Variants in PDXDC1 observed in about 807,000 individuals in gnomAD.
PDXDC1 encodes pyridoxal dependent decarboxylase domain containing 1.
A neutral mutation model predicts 100.1 loss-of-function variants in PDXDC1; 42 were observed. That is an observed-to-expected ratio of 0.42 (90% confidence interval 0.33 to 0.54). The LOEUF is 0.54. Among genes scored for constraint, PDXDC1 ranks in the 20% least tolerant of loss-of-function variants. The pLI, the probability that PDXDC1 is intolerant of heterozygous loss-of-function variation, is 0.10. For missense variants in PDXDC1, 636 were observed against 979.2 expected (o/e 0.65, Z 4.68); for synonymous variants, 260 against 371.7 (o/e 0.70, Z 3.46).
rs1369644140 is a variant in PDXDC1, at chr16:15,092,740, T to G, written c.1400-46139T>G. The G allele has an allele frequency of 6.1e-6, 4 of 657,140 alleles. No homozygotes were observed. The Admixed American group carries it at 1.1e-4, about 18-fold the overall frequency. 40.7% of individuals were successfully genotyped at this position (657,140 alleles called of 1,614,324 possible). A position where few individuals can be genotyped will look rare whatever the true frequency, so the allele number is the denominator to read the frequency against. On this transcript the variant is annotated intron_variant, in intron 16 of 16. Transcript: ENST00000535621. ...AAGGCCTCTTTACTGGTCTCCCTGC[T>G]TCCACTCTTAACCAACAATCCTTCC...
the PDXDC1 span, among the ~76,000 whole-genome samples, chr16:15,145,774 C>T: frequency 8.3e-3 from 1,259 of 152,382 alleles, 21 homozygotes; most frequent in African/African-American, 0.028. Flanking sequence ...GTGACGCCCC[C>T]GCCGCTGTGC....
chr16:15,076,721 A>G (rs1383590899), intron 16 of PDXDC1: 12 of 1,070,350 alleles, frequency 1.1e-5, no homozygotes, highest in Non-Finnish European at 1.7e-5. Context: ...TGGGATGGAA[A>G]TTCATCTGAT....
chr16:15,033,515 T>C, intron 19 of PDXDC1, 116 bp downstream of exon 19: 2 of 1,224,272 alleles, frequency 1.6e-6, no homozygotes, highest in East Asian at 2.4e-5. Flanking sequence ...TCAAAGTCTG[T>C]CAATGTTTCC....
At chr16:15,016,075 TAA>T in intron 8 of PDXDC1, 52 bp from the exon 9 acceptor site, 2 of 1,613,668 alleles carry the variant, frequency 1.2e-6, no homozygotes, top group Admixed American at 3.3e-5. Context: ...GTTTAAGGTA[TAA>T]AGCCTTAGAA....
At chr16:14,975,568 T>C (rs1336695459) in intron 1 of PDXDC1, 1 of 985,482 alleles carries the variant, frequency 1.0e-6, no homozygotes, top group South Asian at 4.7e-5. Flanking sequence ...CCGGGAGCTC[T>C]CCGTTGGCGG....
chr16:15,040,090 C>A (rs1485911568), downstream of PDXDC1: 1 of 1,339,634 alleles, frequency 7.5e-7, no homozygotes. Flanking sequence ...CAGGATGACT[C>A]TGAATTGACA....
intron 16 of PDXDC1, chr16:15,130,468 G>C (rs1340821223): frequency 1.4e-6 from 2 of 1,413,728 alleles, no homozygotes; most frequent in Non-Finnish European, 2.0e-6. Context: ...GGCAGGGAAG[G>C]GGCAGTGGAC....
At chr16:15,117,323 TGCTGG>T (rs2047266558) in intron 16 of PDXDC1, among the ~76,000 whole-genome samples, 1 of 118,034 alleles carries the variant, frequency 8.5e-6, no homozygotes, top group Non-Finnish European at 1.7e-5. Context: ...GGTTGGTTTA[TGCTGG>T]TGTATGTACT....
At chr16:15,137,419 G>C in intron 16 of PDXDC1, 1 of 1,444,194 alleles carries the variant, frequency 6.9e-7, no homozygotes, top group Non-Finnish European at 9.4e-7. Context: ...GGCCCTGGCC[G>C]GTGGAGAAGC....
chr16:15,081,383 T>C (rs952746193), intron 16 of PDXDC1, among the ~76,000 whole-genome samples: 2 of 152,198 alleles, frequency 1.3e-5, no homozygotes, highest in Non-Finnish European at 2.9e-5. Context: ...TGTGAACACT[T>C]GTTACTGTCT....
At chr16:15,146,083 G>A in the PDXDC1 span, among the ~76,000 whole-genome samples, 2 of 152,144 alleles carry the variant, frequency 1.3e-5, no homozygotes, top group South Asian at 2.1e-4. Flanking sequence ...TTGCAGATGC[G>A]GGACCCACAT....
At chr16:14,982,638 T>C (rs1419901575) in intron 1 of PDXDC1, among the ~76,000 whole-genome samples, 6 of 152,270 alleles carry the variant, frequency 3.9e-5, no homozygotes, top group Admixed American at 3.3e-4. Flanking sequence ...CTTACAAATG[T>C]AGAAACTGAG....
intron 3 of PDXDC1, among the ~76,000 whole-genome samples, chr16:15,000,450 A>G (rs1326003213): frequency 6.6e-6 from 1 of 152,298 alleles, no homozygotes; most frequent in Non-Finnish European, 1.5e-5. Flanking sequence ...TCCAAGGCCC[A>G]GAGCCCCTCT....
chr16:15,047,421 T>G, intron 16 of PDXDC1: 240 of 1,458,256 alleles, frequency 1.6e-4, no homozygotes, highest in Non-Finnish European at 2.1e-4. Context: ...AATTCACCTA[T>G]GAGAGCAGCG....
At position 14,989,741 on chromosome 16, in the gene PDXDC1, C is replaced by T. The variant is rs1335980412; in HGVS notation, c.22-8012C>T. The T allele has an allele frequency of 1.9e-5, 30 of 1,549,562 alleles. No individual in the cohort carries two copies. In the African/African-American group the frequency reaches 2.5e-4, roughly 13 times the overall value. ...GCAGCCCCTCCCGCAGCAGCAGCACCGCCTCTCCAGCTTCAGCCAGCGCGC... is the reference window on the plus strand; with the variant it reads ...GCAGCCCCTCCCGCAGCAGCAGCACTGCCTCTCCAGCTTCAGCCAGCGCGC... On this transcript the variant is annotated intron_variant, in intron 1 of 22. Transcript: ENST00000396410.
intron 16 of PDXDC1, among the ~76,000 whole-genome samples, chr16:15,132,387 G>C (rs1455270964): frequency 2.4e-5 from 2 of 83,812 alleles, no homozygotes; most frequent in Non-Finnish European, 2.5e-5. Context: ...GGGGAGGGGA[G>C]GGGTTAGGGG....
rs761343230 is a variant in PDXDC1 at position 15,061,845 on chromosome 16, C to T, written c.1399+31789C>T. The T allele has an allele frequency of 4.3e-5, 70 of 1,613,824 alleles. No homozygotes were observed. The highest frequency in any genetic ancestry group is 4.0e-4 in the East Asian group (18 of 44,902). The stretch of plus-strand genomic sequence containing the variant: ...AAGGAGCTTGGTGTGATCCCAATCA[C>T]GGTATCATTCTGGGGCACTTCGCCT... On this transcript the variant is annotated intron_variant, in intron 16 of 16. Transcript: ENST00000535621.
intron 16 of PDXDC1, among the ~76,000 whole-genome samples, chr16:15,030,310 CA>C (rs1236129833): frequency 3.9e-5 from 6 of 152,210 alleles, no homozygotes; most frequent in Non-Finnish European, 8.8e-5. Flanking sequence ...CTTGGGAGGC[CA>C]AGGCAGGCAG....
chr16:15,006,364 A>G (rs1974243328), intron 5 of PDXDC1, 30 bp from the exon 6 acceptor site: 1 of 1,507,958 alleles, frequency 6.6e-7, no homozygotes, highest in Non-Finnish European at 9.0e-7. Flanking sequence ...AACTAGAAAT[A>G]AGAGCATATT....
Sources: allele counts gnomAD v4.1 joint callset (sites outside exome capture counted in the v4.1 genomes callset), GRCh38; gene constraint gnomAD v4.1.1; transcripts MANE v1.5; gene names NCBI Gene and HGNC (gene_info 2026-07-23, HGNC 2026-07-21).